The following ABR variants were observed in gnomAD, a reference collection of about 807,000 sequenced individuals.
ABR encodes active breakpoint cluster region-related protein.
ABR carries 35 observed loss-of-function variants against 107.2 expected under a neutral mutation model. The observed-to-expected ratio is 0.33, with a 90% CI of 0.25 to 0.43. The LOEUF is 0.43. Ranked by LOEUF, ABR falls within the 20% of genes least tolerant of loss-of-function variation. The probability of loss-of-function intolerance (pLI) is 1.00; values close to 1 mark genes in which losing one functional copy is unlikely to be tolerated. For missense variants in ABR, 815 were observed against 1,115.2 expected, an observed-to-expected ratio of 0.73 and a Z score of 3.83; for synonymous variants, 498 against 462.0, an observed-to-expected ratio of 1.08 and a Z score of -1.00.
chr17:1,031,653 G>T, intron 16 of ABR: 2 of 1,258,826 alleles, frequency 1.6e-6, no homozygotes, highest in East Asian at 3.2e-5. Context: ...GCCGGTGTTG[G>T]GGGGGCGCTT....
intron 1 of ABR, among the ~76,000 whole-genome samples, chr17:1,197,123 C>T (rs1359886472): frequency 6.6e-6 from 1 of 151,588 alleles, no homozygotes; most frequent in African/African-American, 2.4e-5. Flanking sequence ...TATCGGATCT[C>T]GGGGGCATCT....
intron 16 of ABR, among the ~76,000 whole-genome samples, chr17:1,034,966 C>A (rs1212877908): frequency 6.6e-6 from 1 of 152,046 alleles, no homozygotes; most frequent in Admixed American, 6.5e-5. Flanking sequence ...CAAGCTCGGA[C>A]TGGATGAACG....
intron 16 of ABR, among the ~76,000 whole-genome samples, chr17:1,036,824 T>C (rs776115570): frequency 8.5e-5 from 13 of 152,148 alleles, no homozygotes; most frequent in Non-Finnish European, 1.5e-4. Flanking sequence ...GCCAAATGTC[T>C]TCCCAGAATG....
At chr17:1,175,959 C>T (rs776766446) in intron 1 of ABR, among the ~76,000 whole-genome samples, 5 of 152,252 alleles carry the variant, frequency 3.3e-5, no homozygotes, top group South Asian at 2.1e-4. Flanking sequence ...GGCGTGGTGG[C>T]GGGCGCCTGC....
chr17:1,012,275 G>A, intron 18 of ABR: 1 of 648,556 alleles, frequency 1.5e-6, no homozygotes, highest in Non-Finnish European at 2.9e-6. Flanking sequence ...GATGCTTGTA[G>A]GAGGCCCAGC....
intron 16 of ABR, 199 bp downstream of exon 16, chr17:1,049,851 C>A (rs746822208): frequency 6.0e-5 from 39 of 650,368 alleles, no homozygotes; most frequent in Non-Finnish European, 9.6e-5. Context: ...ACCTGAGGAG[C>A]CACGCACACG....
At chr17:1,220,837 C>T (rs753956831) in intron 1 of ABR, among the ~76,000 whole-genome samples, 12 of 152,098 alleles carry the variant, frequency 7.9e-5, no homozygotes, top group South Asian at 6.2e-4. Context: ...TATCGAGTGC[C>T]GGCCATGAGC....
rs1028882942 is a variant in ABR, at chr17:1,154,510, C to G, written c.61+25157G>C. The stretch of plus-strand genomic sequence containing the variant: ...CTTCCTCCCAGCTTTCCATCCCACT[C>G]CACAAGGGTGTCTGGCTGCCCTGGG... On this transcript the variant is annotated intron_variant, in intron 1 of 22. Coordinates refer to ENST00000302538, the MANE Select transcript of ABR (RefSeq NM_021962.5). The surrounding 1 kb of genome is among the most constrained non-coding windows in gnomAD (Gnocchi z 4.0). The G allele has an allele frequency of 2.6e-5, 4 of 152,478 alleles. No homozygotes were observed. Among genetic ancestry groups the G allele is most frequent in the Admixed American group, 2.0e-4 (3 of 15,278 alleles). The allele number at this position is 152,478 out of a possible 1,614,324, so 9.4% of individuals were successfully genotyped here.
At chr17:1,124,276 G>A (rs538671532) in intron 2 of ABR, among the ~76,000 whole-genome samples, 8 of 152,186 alleles carry the variant, frequency 5.3e-5, no homozygotes, top group South Asian at 4.1e-4. Context: ...GAGGCAGCCC[G>A]TGGCATCTCA....
At position 1,005,585 on chromosome 17, in the gene ABR, T is replaced by G; in HGVS notation, c.*495A>C. 1 of 194,534 alleles carries G rather than the reference T, an allele frequency of 5.1e-6. No homozygotes were observed. Among genetic ancestry groups the G allele is most frequent in the South Asian group, 1.2e-4 (1 of 8,176 alleles). The allele number at this position is 194,534 out of a possible 1,614,324, so 12.1% of individuals were successfully genotyped here. A position where few individuals can be genotyped will look rare whatever the true frequency, so the allele number is the denominator to read the frequency against. On this transcript the variant is annotated 3_prime_UTR_variant, in exon 23 of 23. Coordinates refer to ENST00000302538, the MANE Select transcript of ABR (RefSeq NM_021962.5). ...AGGGTGCACATGCATGCAGGCAGGC[T>G]GGGAAGGAAGAGCGGGTGGAGGAAG...
chr17:1,033,730 G>A (rs1163934427), intron 16 of ABR, among the ~76,000 whole-genome samples: 1 of 152,178 alleles, frequency 6.6e-6, no homozygotes, highest in Non-Finnish European at 1.5e-5. Flanking sequence ...CTAAGTGGGG[G>A]CTGAGCCACA....
intron 1 of ABR, chr17:1,178,064 G>C (rs1439132883): frequency 6.6e-6 from 1 of 152,446 alleles, no homozygotes; most frequent in Admixed American, 6.5e-5. Flanking sequence ...CAGCTCCTGG[G>C]GGGAGGAGAG....
chr17:1,031,172 C>A (rs541074036), intron 16 of ABR, among the ~76,000 whole-genome samples: 2 of 152,244 alleles, frequency 1.3e-5, no homozygotes, highest in African/African-American at 4.8e-5. Context: ...ACAGAGAAAC[C>A]TCACACGGCA....
intron 2 of ABR, among the ~76,000 whole-genome samples, chr17:1,107,511 G>A (rs1487213264): frequency 6.6e-6 from 1 of 152,246 alleles, no homozygotes; most frequent in Admixed American, 6.5e-5. Flanking sequence ...GGCATACGCC[G>A]GGGTCCAGCA....
intron 21 of ABR, among the ~76,000 whole-genome samples, chr17:1,008,575 T>G (rs1374569022): frequency 6.6e-6 from 1 of 152,184 alleles, no homozygotes; most frequent in Non-Finnish European, 1.5e-5. Context: ...TCGGAATTGG[T>G]TGGGGCTCTA....
At chr17:1,196,180 G>A (rs1474996737) in intron 1 of ABR, among the ~76,000 whole-genome samples, 11 of 146,204 alleles carry the variant, frequency 7.5e-5, no homozygotes, top group East Asian at 6.0e-4. Context: ...CTATAATCCC[G>A]GCACTTTGGG....
At chr17:1,155,460 C>G (rs2041002052) in intron 1 of ABR, among the ~76,000 whole-genome samples, 1 of 152,038 alleles carries the variant, frequency 6.6e-6, no homozygotes, top group Non-Finnish European at 1.5e-5. Flanking sequence ...TAGAAGAAAA[C>G]CTGGGGGTAG....
upstream of ABR, among the ~76,000 whole-genome samples, chr17:1,191,440 C>G (rs559437842): frequency 8.7e-4 from 129 of 148,930 alleles, no homozygotes; most frequent in Non-Finnish European, 1.6e-3. Context: ...TCACTGCAAC[C>G]TCCACCTCCC....
intron 1 of ABR, among the ~76,000 whole-genome samples, chr17:1,221,741 AG>A (rs1408852860): frequency 6.6e-6 from 1 of 152,188 alleles, no homozygotes; most frequent in Non-Finnish European, 1.5e-5. Flanking sequence ...AATGGCAGAA[AG>A]GATCTGCGTA....
Sources: gnomAD v4.1 joint callset for allele counts (sites outside exome capture counted in the v4.1 genomes callset) on GRCh38, gnomAD v4.1.1 for gene constraint, Gnocchi (gnomAD v3.1) non-coding constraint, MANE v1.5 for transcripts, NCBI Gene and HGNC (gene_info 2026-07-23, HGNC 2026-07-21) for gene names.